LCLAT1: variants seen among roughly 807,000 people sequenced by gnomAD.
LCLAT1 encodes lysocardiolipin acyltransferase 1, also known as 1-AGP acyltransferase 8.
LCLAT1 carries 11 observed loss-of-function variants against 30.7 expected under a neutral mutation model. The ratio of observed to expected loss-of-function variants is 0.36; its 90% CI spans 0.23 to 0.59. LCLAT1 has a LOEUF of 0.59. Ranked by LOEUF, LCLAT1 falls within the 20% of genes least tolerant of loss-of-function variation. LCLAT1 has a pLI of 0.77. For missense variants in LCLAT1, 402 were observed against 458.6 expected (o/e 0.88, Z 1.13); for synonymous variants, 155 against 151.3 (o/e 1.02, Z -0.18).
chr2:30,481,885 G>A (rs554716430), intron 1 of LCLAT1, among the ~76,000 whole-genome samples: 3 of 152,270 alleles, frequency 2.0e-5, no homozygotes, highest in African/African-American at 7.2e-5. Context: ...TCCATAAATG[G>A]CTGTAGGAAC....
chr2:30,621,083 G>T (rs190646704), intron 5 of LCLAT1, among the ~76,000 whole-genome samples: 1 of 152,168 alleles, frequency 6.6e-6, no homozygotes. Flanking sequence ...CTGAAGTTCC[G>T]GTGGCCAGGT....
chr2:30,556,233 T>C (rs1315826232), intron 3 of LCLAT1, among the ~76,000 whole-genome samples: 1 of 152,140 alleles, frequency 6.6e-6, no homozygotes, highest in African/African-American at 2.4e-5. Context: ...TATGGCTGAG[T>C]GCCAATAAAA....
chr2:30,554,862 A>G (rs1664843395), intron 3 of LCLAT1, among the ~76,000 whole-genome samples: 2 of 152,310 alleles, frequency 1.3e-5, no homozygotes, highest in Admixed American at 6.5e-5. Context: ...AATGAAAAGT[A>G]TGAGAGGAGA....
At chr2:30,493,549 CT>C (rs1683939084) in intron 1 of LCLAT1, among the ~76,000 whole-genome samples, 1 of 152,092 alleles carries the variant, frequency 6.6e-6, no homozygotes, top group Non-Finnish European at 1.5e-5. Context: ...TTTTAACTGA[CT>C]TTTTTTCTTT....
At chr2:30,498,986 G>T (rs1188874455) in intron 1 of LCLAT1, among the ~76,000 whole-genome samples, 5 of 152,098 alleles carry the variant, frequency 3.3e-5, no homozygotes, top group African/African-American at 1.2e-4. Flanking sequence ...AGGCAGTCTG[G>T]ATAAAAATTT....
At chr2:30,476,513 G>A (rs1350085345) in intron 1 of LCLAT1, 1 of 456,308 alleles carries the variant, frequency 2.2e-6, no homozygotes, top group Non-Finnish European at 4.4e-6. Context: ...AGGGGATCTA[G>A]GTTGCATGTT....
chr2:30,570,412 A>G (rs1244216292), intron 5 of LCLAT1, among the ~76,000 whole-genome samples: 1 of 152,228 alleles, frequency 6.6e-6, no homozygotes, highest in African/African-American at 2.4e-5. Context: ...ATAGCAGCTA[A>G]CGTTAACTGA....
chr2:30,517,498 C>T (rs759442443), intron 1 of LCLAT1, among the ~76,000 whole-genome samples: 2 of 152,240 alleles, frequency 1.3e-5, no homozygotes, highest in Non-Finnish European at 2.9e-5. Flanking sequence ...ATGCAATCTC[C>T]AAGCCTCAGC....
chr2:30,505,839 A>G (rs1684633964), intron 1 of LCLAT1, among the ~76,000 whole-genome samples: 1 of 152,214 alleles, frequency 6.6e-6, no homozygotes, highest in African/African-American at 2.4e-5. Context: ...TAATTATATC[A>G]GGGTTTGGAG....
At chr2:30,560,833 A>T (rs1331349214) in intron 3 of LCLAT1, among the ~76,000 whole-genome samples, 2 of 152,226 alleles carry the variant, frequency 1.3e-5, no homozygotes, top group Non-Finnish European at 2.9e-5. Flanking sequence ...TCTCATGGAT[A>T]TCCAAGAGGT....
chr2:30,609,720 T>C (rs1192960129), intron 5 of LCLAT1, among the ~76,000 whole-genome samples: 1 of 152,170 alleles, frequency 6.6e-6, no homozygotes, highest in East Asian at 1.9e-4. Context: ...GAACTCATAG[T>C]GTTCATTCTC....
intron 4 of LCLAT1, among the ~76,000 whole-genome samples, chr2:30,566,555 G>A (rs529008581): frequency 1.4e-4 from 22 of 152,064 alleles, no homozygotes; most frequent in Non-Finnish European, 7.4e-5. Flanking sequence ...TGTGGAAGTC[G>A]TCTATGGTTT....
chr2:30,496,286 A>G (rs561947340), intron 1 of LCLAT1, among the ~76,000 whole-genome samples: 2 of 152,288 alleles, frequency 1.3e-5, no homozygotes, highest in Non-Finnish European at 2.9e-5. Flanking sequence ...CACAGACCCA[A>G]ACCATATCTG....
At chr2:30,461,817 C>T (rs1682151030) in intron 1 of LCLAT1, among the ~76,000 whole-genome samples, 1 of 140,016 alleles carries the variant, frequency 7.1e-6, no homozygotes, top group South Asian at 2.5e-4. Context: ...GTCGCCCAGG[C>T]TGGAGTGCAG....
chr2:30,501,378 T>A (rs1684379465), intron 1 of LCLAT1, among the ~76,000 whole-genome samples: 1 of 152,168 alleles, frequency 6.6e-6, no homozygotes, highest in African/African-American at 2.4e-5. Context: ...TCTGTAACTT[T>A]AAAAAAGTCT....
chr2:30,585,799 G>A (rs1558536734), intron 5 of LCLAT1, among the ~76,000 whole-genome samples: 1 of 151,992 alleles, frequency 6.6e-6, no homozygotes, highest in Non-Finnish European at 1.5e-5. Context: ...TGCATTCCTG[G>A]GTCTTGCCTG....
At chr2:30,615,332 G>C (rs1667945873) in intron 5 of LCLAT1, among the ~76,000 whole-genome samples, 1 of 152,150 alleles carries the variant, frequency 6.6e-6, no homozygotes, top group Non-Finnish European at 1.5e-5. Flanking sequence ...TCACACAGTA[G>C]TAGGAGAGTA....
At position 30,560,466 on chromosome 2, in the gene LCLAT1, G is replaced by T. The variant is rs377508952; in HGVS notation, c.365-1680G>T. ...CAGTTCTCCCCGCTCAGCCTCCCAAGTAGCTGGGATTACAGGCAGCTGCCA... is the reference window on the plus strand; with the variant it reads ...CAGTTCTCCCCGCTCAGCCTCCCAATTAGCTGGGATTACAGGCAGCTGCCA... On this transcript the variant is annotated intron_variant, in intron 3 of 5. Coordinates refer to ENST00000379509, the MANE Select transcript of LCLAT1 (RefSeq NM_001002257.3). Among the ~76,000 whole-genome samples, 45 of 152,204 alleles carry T rather than the reference G, an allele frequency of 3.0e-4. No homozygotes were observed. The East Asian group carries it at 6.8e-3, about 23-fold the overall frequency.
At chr2:30,634,753 C>T (rs1668943774) in intron 5 of LCLAT1, among the ~76,000 whole-genome samples, 1 of 152,196 alleles carries the variant, frequency 6.6e-6, no homozygotes, top group Admixed American at 6.5e-5. Context: ...TTCGTAACTG[C>T]AGGTACATTT....
Sources: gnomAD v4.1 joint callset for allele counts (sites outside exome capture counted in the v4.1 genomes callset) on GRCh38, gnomAD v4.1.1 for gene constraint, MANE v1.5 for transcripts, NCBI Gene and HGNC (gene_info 2026-07-23, HGNC 2026-07-21) for gene names.